AJAP1: variants seen among roughly 807,000 people sequenced by gnomAD.
AJAP1 encodes adherens junction-associated protein 1.
In AJAP1, 5 loss-of-function variants were observed where a neutral mutation model predicts 35.0. The ratio of observed to expected loss-of-function variants is 0.14; its 90% confidence interval spans 0.07 to 0.30. AJAP1 has a LOEUF of 0.30. Among genes scored for constraint, AJAP1 ranks in the 10% least tolerant of loss-of-function variants. The probability of loss-of-function intolerance (pLI) is 1.00; values close to 1 mark genes in which losing one functional copy is unlikely to be tolerated. For synonymous variants in AJAP1, 284 were observed against 249.3 expected (o/e 1.14, Z -1.31); for missense variants, 586 against 571.0 (o/e 1.03, Z -0.27).
rs1638842859 is a variant in AJAP1 at position 4,655,000 on chromosome 1, C to G, written c.-426C>G. The G allele has an allele frequency of 6.7e-6, 1 of 150,338 alleles. No individual in the cohort carries two copies. The highest frequency in any genetic ancestry group is 2.4e-5 in the African/African-American group (1 of 41,288). The allele number at this position is 150,338 out of a possible 1,614,324, so 9.3% of individuals were successfully genotyped here. On this transcript the variant is annotated 5_prime_UTR_variant, in exon 1 of 6. Transcript: ENST00000378191. The surrounding 1 kb of genome is among the most constrained non-coding windows in gnomAD (Gnocchi z 5.1). The stretch of plus-strand genomic sequence containing the variant: ...TCCGGCTGGAGGCAAGAGCCGCGCG[C>G]CGGGAGACACGCACCGTGAGCGGCA...
At chr1:4,700,302 C>A (rs1351461465) in intron 1 of AJAP1, among the ~76,000 whole-genome samples, 1 of 152,136 alleles carries the variant, frequency 6.6e-6, no homozygotes, top group Non-Finnish European at 1.5e-5. Context: ...GGACACTCCT[C>A]AGCTCTTAAC....
intron 2 of AJAP1, among the ~76,000 whole-genome samples, chr1:4,739,821 C>A (rs907949013): frequency 1.3e-5 from 2 of 152,036 alleles, no homozygotes; most frequent in African/African-American, 4.8e-5. Flanking sequence ...GTGTTTGGTT[C>A]TTCTGCATCC....
At chr1:4,685,168 C>A (rs1334521680) in intron 1 of AJAP1, among the ~76,000 whole-genome samples, 1 of 152,188 alleles carries the variant, frequency 6.6e-6, no homozygotes, top group Non-Finnish European at 1.5e-5. Flanking sequence ...TGGTGCATGG[C>A]TGTGTCCACA....
intron 5 of AJAP1, among the ~76,000 whole-genome samples, chr1:4,774,882 G>T (rs1641912301): frequency 6.6e-6 from 1 of 152,128 alleles, no homozygotes; most frequent in South Asian, 2.1e-4. Flanking sequence ...GGCAGGGAAA[G>T]TCATTCCCTA....
chr1:4,779,513 A>G (rs1642019725), intron 5 of AJAP1, among the ~76,000 whole-genome samples: 1 of 152,070 alleles, frequency 6.6e-6, no homozygotes, highest in East Asian at 1.9e-4. Flanking sequence ...AGACAGACGC[A>G]ATGGTTGGAA....
intron 1 of AJAP1, among the ~76,000 whole-genome samples, chr1:4,667,880 G>A (rs1639166917): frequency 6.6e-6 from 1 of 152,208 alleles, no homozygotes; most frequent in African/African-American, 2.4e-5. Flanking sequence ...AAGTGGGAAG[G>A]GGAAGACGTT....
intron 1 of AJAP1, among the ~76,000 whole-genome samples, chr1:4,704,481 T>C (rs1439330678): frequency 6.6e-6 from 1 of 152,182 alleles, no homozygotes; most frequent in Non-Finnish European, 1.5e-5. Flanking sequence ...ACAAAGGACA[T>C]GAACTCATCA....
Position 4,711,975 on chromosome 1 carries a change from C to A in AJAP1, c.105C>A (p.Ala35=), listed in dbSNP as rs765335332. The change falls in exon 2 of 6, where the codon GCC becomes GCA. Residue 35 remains alanine (A), a synonymous_variant. Coordinates refer to ENST00000378191, the MANE Select transcript of AJAP1 (RefSeq NM_018836.4). ...AWILIAMFQL[A]VDLPACEALG... Reference sequence around the variant, plus strand: ...TACTGATAGCCATGTTTCAGCTCGCCGTGGACCTGCCCGCCTGTGAGGCCC... The same window carrying A: ...TACTGATAGCCATGTTTCAGCTCGCAGTGGACCTGCCCGCCTGTGAGGCCC... 6.3e-6 allele frequency: 10 copies of A among 1,587,872 alleles called. No individual in the cohort carries two copies. Among genetic ancestry groups the A allele is most frequent in the Non-Finnish European group, 8.5e-7 (1 of 1,171,682 alleles).
At chr1:4,738,259 G>A (rs139974113) in intron 2 of AJAP1, among the ~76,000 whole-genome samples, 3 of 152,364 alleles carry the variant, frequency 2.0e-5, no homozygotes, top group East Asian at 3.9e-4. Flanking sequence ...GGGCTAGCAG[G>A]CCCACAAGGG....
chr1:4,681,690 A>G (rs1412278223), intron 1 of AJAP1, among the ~76,000 whole-genome samples: 2 of 152,180 alleles, frequency 1.3e-5, no homozygotes, highest in Non-Finnish European at 2.9e-5. Flanking sequence ...TGGACAAAGC[A>G]AGGTCTCTCC....
rs754040200 is a variant in AJAP1 at position 4,774,542 on chromosome 1, C to G, written c.*43C>G. ...TACCTCCTGGGGGCAGGGCAGACGC[C>G]GTGTGTCTGTTTCACGGTAGGTACC... On this transcript the variant is annotated 3_prime_UTR_variant, in exon 5 of 6. Transcript: ENST00000378191. The G allele has an allele frequency of 6.3e-7, 1 of 1,580,834 alleles. No homozygotes were observed. The highest frequency in any genetic ancestry group is 8.7e-7 in the Non-Finnish European group (1 of 1,150,632).
chr1:4,753,129 A>C (rs916411352), intron 2 of AJAP1, among the ~76,000 whole-genome samples: 1 of 152,238 alleles, frequency 6.6e-6, no homozygotes, highest in Non-Finnish European at 1.5e-5. Context: ...GGCCCTGTGC[A>C]CTAATCAGTC....
intron 2 of AJAP1, among the ~76,000 whole-genome samples, chr1:4,715,225 G>A (rs1640362231): frequency 6.6e-6 from 1 of 152,198 alleles, no homozygotes; most frequent in Non-Finnish European, 1.5e-5. Context: ...AGTGGTCTTG[G>A]GGACTCCAGA....
At chr1:4,671,144 A>C (rs753009230) in intron 1 of AJAP1, among the ~76,000 whole-genome samples, 59 of 152,124 alleles carry the variant, frequency 3.9e-4, no homozygotes, top group Non-Finnish European at 6.2e-4. Context: ...CGAGGTGGGA[A>C]GATCACTTGA....
Position 4,782,399 on chromosome 1 carries a change from C to T in AJAP1, c.*60-146C>T, listed in dbSNP as rs1254761723. On this transcript the variant is annotated intron_variant, in intron 5 of 5. Coordinates refer to ENST00000378191, the MANE Select transcript of AJAP1 (RefSeq NM_018836.4). This position sits in a 1 kb window ranked among gnomAD's most constrained non-coding sequence, Gnocchi z 5.3. ...CTTGTCCACGTTCCAAGGACCCCTC[C>T]GTGTCAGTGAACCGATAAAGGGAGT... 5 of 199,162 alleles carry T rather than the reference C, an allele frequency of 2.5e-5. No individual in the cohort carries two copies. The highest frequency in any genetic ancestry group is 1.2e-4 in the Admixed American group (2 of 16,630). 12.3% of individuals were successfully genotyped at this position (199,162 alleles called of 1,614,324 possible).
At chr1:4,671,134 C>T (rs960978251) in intron 1 of AJAP1, among the ~76,000 whole-genome samples, 3 of 152,004 alleles carry the variant, frequency 2.0e-5, no homozygotes, top group Non-Finnish European at 2.9e-5. Flanking sequence ...TTTGGGAGGC[C>T]GAGGTGGGAA....
At chr1:4,665,675 T>A (rs1639099921) in intron 1 of AJAP1, among the ~76,000 whole-genome samples, 1 of 151,924 alleles carries the variant, frequency 6.6e-6, no homozygotes, top group African/African-American at 2.4e-5. Context: ...GTGACAGGTA[T>A]GGTAGCCACT....
rs1640289756 is a variant in AJAP1 at position 4,712,644 on chromosome 1, T to C, written c.774T>C (p.Ser258=). Reference sequence around the variant, plus strand: ...TTAGCACAACGGAGCCTTCCACCAGTCCCAGCAACAACGGGGAAGTCACCC... The same window carrying C: ...TTAGCACAACGGAGCCTTCCACCAGCCCCAGCAACAACGGGGAAGTCACCC... The part of the protein sequence containing the change: ...GGVSTTEPST[S]PSNNGEVTQP... The change falls in exon 2 of 6, where the codon AGT becomes AGC. Residue 258 remains serine, a synonymous_variant. Coordinates refer to ENST00000378191, the MANE Select transcript of AJAP1 (RefSeq NM_018836.4). 1 of 1,550,006 alleles carries C rather than the reference T, an allele frequency of 6.5e-7. No homozygotes were observed. The highest frequency in any genetic ancestry group is 8.7e-7 in the Non-Finnish European group (1 of 1,143,482).
chr1:4,734,416 A>G lies in AJAP1; in HGVS notation c.829+21717A>G, dbSNP rs1640872293. Among the ~76,000 whole-genome samples, 1 of 152,186 alleles carries G rather than the reference A, an allele frequency of 6.6e-6. No homozygotes were observed. Among genetic ancestry groups the G allele is most frequent in the African/African-American group, 2.4e-5 (1 of 41,440 alleles). On this transcript the variant is annotated intron_variant, in intron 2 of 5. Transcript: ENST00000378191. The surrounding 1 kb of genome is among the most constrained non-coding windows in gnomAD (Gnocchi z 4.3). ...TAAATCAGCAGAGGCAGAGGCCCCG[A>G]GAGGTTAAGTGACTTGCCTGAGGTC...
Sources: allele counts gnomAD v4.1 joint callset (sites outside exome capture counted in the v4.1 genomes callset), GRCh38; gene constraint gnomAD v4.1.1; non-coding constraint Gnocchi (gnomAD v3.1); transcripts MANE v1.5; gene names NCBI Gene and HGNC (gene_info 2026-07-23, HGNC 2026-07-21).